FN1: variants seen among roughly 807,000 people sequenced by gnomAD.
FN1 encodes the protein fibronectin 1.
FN1 carries 106 observed loss-of-function variants against 297.3 expected under a neutral mutation model. That is an observed-to-expected ratio of 0.36 (90% confidence interval 0.30 to 0.42). The LOEUF (loss-of-function observed/expected upper bound fraction) is 0.42. FN1 is among the 10% of genes least tolerant of loss of function. The pLI, the probability that FN1 is intolerant of heterozygous loss-of-function variation, is 1.00. For synonymous variants in FN1, 1,149 were observed against 1,152.6 expected (o/e 1.00, Z 0.06); for missense variants, 2,690 against 3,124.9 (o/e 0.86, Z 3.32).
chr2:215,377,040 TTGTGTG>T (rs56966736), intron 35 of FN1, among the ~76,000 whole-genome samples: 195 of 150,918 alleles, frequency 1.3e-3, no homozygotes, highest in African/African-American at 4.0e-3. Context: ...GCTAACAATT[TTGTGTG>T]TGTGTGTGTG....
chr2:215,380,677 T>C (rs2058074269), intron 33 of FN1, 134 bp downstream of exon 33: 1 of 1,155,088 alleles, frequency 8.7e-7, no homozygotes, highest in South Asian at 1.3e-5. Context: ...ACCATTCCTC[T>C]TTAAAGAGGA....
At chr2:215,417,427 C>G in intron 12 of FN1, among the ~76,000 whole-genome samples, 1 of 152,048 alleles carries the variant, frequency 6.6e-6, no homozygotes, top group East Asian at 1.9e-4. Flanking sequence ...TGACTCAGTC[C>G]TTTTTTTCTC....
rs1363673557 is a variant in FN1 at position 215,375,718 on chromosome 2, C to A, written c.5888G>T (p.Gly1963Val). 3 of 1,598,108 alleles carry A rather than the reference C, an allele frequency of 1.9e-6. No homozygotes were observed. The East Asian group carries it at 6.7e-5, about 36-fold the overall frequency. Residue 1963 changes from glycine to valine, a missense_variant and splice_region_variant, in exon 37 of 46, where the codon GGT becomes GTT. Coordinates refer to ENST00000354785, the MANE Select transcript of FN1 (RefSeq NM_212482.4). Reference sequence around the variant, plus strand: ...CTTGTAGTCAGTGCCTGGTTGTAAACCTGGGATTTGAGAAGAGATGATTTT... The same window carrying A: ...CTTGTAGTCAGTGCCTGGTTGTAAAACTGGGATTTGAGAAGAGATGATTTT... ...KPDVRSYTIT[G>V]LQPGTDYKIY...
chr2:215,367,719 T>C, intron 42 of FN1, 144 bp downstream of exon 42: 1 of 822,182 alleles, frequency 1.2e-6, no homozygotes, highest in Non-Finnish European at 2.0e-6. Flanking sequence ...ATGCAAAATA[T>C]TACTTCGAGT....
intron 25 of FN1, 175 bp downstream of exon 25, chr2:215,392,756 T>G: frequency 1.5e-6 from 1 of 687,742 alleles, no homozygotes; most frequent in South Asian, 1.7e-5. Context: ...CTTGCATGTG[T>G]TTTTCTCCAA....
At chr2:215,400,041 T>G (rs2060807726) in intron 20 of FN1, among the ~76,000 whole-genome samples, 1 of 151,688 alleles carries the variant, frequency 6.6e-6, no homozygotes, top group Admixed American at 6.6e-5. Context: ...TATGAAAAAT[T>G]AACTGTCATG....
At chr2:215,401,263 G>GA (rs1553629804) in intron 20 of FN1, among the ~76,000 whole-genome samples, 2,391 of 73,916 alleles carry the variant, frequency 0.032, 196 homozygotes, top group African/African-American at 0.11. Flanking sequence ...AGAAAGAAAG[G>GA]AAGGAAAGGA....
intron 23 of FN1, among the ~76,000 whole-genome samples, chr2:215,396,245 C>A (rs942237606): frequency 6.6e-6 from 1 of 152,118 alleles, no homozygotes; most frequent in Non-Finnish European, 1.5e-5. Context: ...AGAATGCAAT[C>A]AACATTAATT....
intron 15 of FN1, 130 bp from the exon 16 acceptor site, chr2:215,408,556 T>C (rs1255706638): frequency 3.5e-6 from 3 of 848,718 alleles, no homozygotes; most frequent in Non-Finnish European, 5.9e-6. Flanking sequence ...AATGTGCTAA[T>C]AGCTAATCAG....
At chr2:215,420,831 A>G (rs1383353702) in intron 10 of FN1, 30 bp from the exon 11 acceptor site, 1 of 1,611,992 alleles carries the variant, frequency 6.2e-7, no homozygotes, top group African/African-American at 1.3e-5. Flanking sequence ...GTGAGTGAGA[A>G]ACTTTTTAAA....
chr2:215,406,641 A>C (rs769423370), intron 18 of FN1, 131 bp from the exon 19 acceptor site: 34 of 899,650 alleles, frequency 3.8e-5, no homozygotes, highest in Non-Finnish European at 5.4e-5. Context: ...TTGTCTCTTA[A>C]TCAGATCACA....
At chr2:215,384,784 T>C in intron 29 of FN1, 76 bp downstream of exon 29, 1 of 1,035,704 alleles carries the variant, frequency 9.7e-7, no homozygotes, top group Non-Finnish European at 1.5e-6. Flanking sequence ...AATTCTTTGT[T>C]CACTGTTGGG....
At position 215,435,642 on chromosome 2, in the gene FN1, G is replaced by A. The variant is rs954197088; in HGVS notation, c.148+13C>T. Reference sequence around the variant, plus strand: ...CCTGAGGCAGCCTGTTTCAGCCCGCGGTCAGTACTCACGCTTGCTTTGACT... The same window carrying A: ...CCTGAGGCAGCCTGTTTCAGCCCGCAGTCAGTACTCACGCTTGCTTTGACT... On this transcript the variant is annotated intron_variant, in intron 1 of 45. Coordinates refer to ENST00000354785, the MANE Select transcript of FN1 (RefSeq NM_212482.4). 1 of 1,613,412 alleles carries A rather than the reference G, an allele frequency of 6.2e-7. No individual in the cohort carries two copies. The highest frequency in any genetic ancestry group is 8.5e-7 in the Non-Finnish European group (1 of 1,179,944).
chr2:215,372,231 G>A lies in FN1; in HGVS notation c.6392C>T (p.Ser2131Phe). 1.2e-6 allele frequency: 2 copies of A among 1,614,224 alleles called. No individual in the cohort carries two copies. The highest frequency in any genetic ancestry group is 1.7e-6 in the Non-Finnish European group (2 of 1,180,036). The change falls in exon 40 of 46, where the codon TCT becomes TTT. Residue 2131 changes from serine (S) to phenylalanine (F), a missense_variant. Physicochemically the swap from Ser to Phe is radical, Grantham distance 155. Around this residue, in one of 3 missense-constraint regions of FN1, gnomAD observed 1,743 missense variants for 1,945.2 expected, o/e 0.90. Coordinates refer to ENST00000354785, the MANE Select transcript of FN1 (RefSeq NM_212482.4). ...TGNGIQLPGTSGQQPSVGQQM... is the reference protein window; with the variant it reads ...TGNGIQLPGTFGQQPSVGQQM... ...TTGCCCAACACTGGGTTGCTGACCA[G>A]AAGTGCCAGGAAGCTGAATACCATT... is the stretch of plus-strand genomic sequence containing the variant.
chr2:215,373,863 T>G (rs2056757024), intron 38 of FN1, among the ~76,000 whole-genome samples: 1 of 151,926 alleles, frequency 6.6e-6, no homozygotes, highest in African/African-American at 2.4e-5. Context: ...TTTGTATTTT[T>G]AGTAGAGATG....
rs113422330 is a variant in FN1 at position 215,408,992 on chromosome 2, G to A, written c.2300-566C>T. On this transcript the variant is annotated intron_variant, in intron 15 of 45. Coordinates refer to ENST00000354785, the MANE Select transcript of FN1 (RefSeq NM_212482.4). ...CTAAAGACGTATAATTTTTGTAATC[G>A]AATGCCAAATTTTTAAAAATAGCTC... Among the ~76,000 whole-genome samples the A allele has an allele frequency of 6.6e-5, 10 of 151,702 alleles. 1 individual carries two copies. The highest frequency in any genetic ancestry group is 2.2e-4 in the African/African-American group (9 of 41,294).
At chr2:215,428,046 T>G in intron 6 of FN1, 134 bp downstream of exon 6, 1 of 1,099,244 alleles carries the variant, frequency 9.1e-7, no homozygotes, top group Non-Finnish European at 1.4e-6. Flanking sequence ...ACCAATAATG[T>G]GTAAATTATC....
chr2:215,375,188 A>G, intron 38 of FN1, 26 bp downstream of exon 38: 2 of 1,612,328 alleles, frequency 1.2e-6, no homozygotes, highest in Non-Finnish European at 1.7e-6. Context: ...GTAAGAAGGA[A>G]AATGACAGCA....
chr2:215,361,768 A>C (rs1318240213), intron 45 of FN1, 142 bp from the exon 46 acceptor site: 5 of 977,380 alleles, frequency 5.1e-6, no homozygotes, highest in Non-Finnish European at 7.9e-6. Context: ...ACCTAGCAGC[A>C]TACTGGGCAA....
Sources: gnomAD v4.1 joint callset for allele counts (sites outside exome capture counted in the v4.1 genomes callset) on GRCh38, gnomAD v4.1.1 for gene constraint, gnomAD v4.1.1 regional missense constraint, MANE v1.5 for transcripts, NCBI Gene and HGNC (gene_info 2026-07-23, HGNC 2026-07-21) for gene names.